Variants in CWC27 observed in about 807,000 individuals in gnomAD.
The protein encoded by CWC27 is CWC27 spliceosome associated cyclophilin, also known as spliceosome-associated protein CWC27 homolog.
In CWC27, 47 loss-of-function variants were observed where a neutral mutation model predicts 63.6. The observed-to-expected ratio is 0.74, with a 90% CI of 0.58 to 0.94. The LOEUF is 0.94. Among genes scored for constraint, CWC27 ranks in the 40% least tolerant of loss-of-function variants. The pLI is 0.00. For synonymous variants in CWC27, 175 were observed against 179.8 expected, an observed-to-expected ratio of 0.97 and a Z score of 0.22; for missense variants, 495 against 554.3, an observed-to-expected ratio of 0.89 and a Z score of 1.07.
intron 13 of CWC27, among the ~76,000 whole-genome samples, chr5:65,012,142 C>G (rs1749971986): frequency 1.3e-5 from 2 of 152,186 alleles, no homozygotes; most frequent in Admixed American, 6.5e-5. Context: ...AAGCACTACT[C>G]TATCTGATTT....
At chr5:64,979,611 G>C (rs1293181285) in intron 13 of CWC27, among the ~76,000 whole-genome samples, 1 of 152,194 alleles carries the variant, frequency 6.6e-6, no homozygotes, top group Non-Finnish European at 1.5e-5. Context: ...AATATTATGA[G>C]TGCATGGCAT....
rs1484742772 is a variant in CWC27 at position 64,905,210 on chromosome 5, A to AAAAAAACAAAAC, written c.1042+19670_1042+19671insCAAAACAAAAAA. ...AGCCACACTACATCTCAAAAAAAAA[A>AAAAAAACAAAAC]AAAAAAAAAAAAAACACCTAATGAA... is the stretch of plus-strand genomic sequence containing the variant. On this transcript the variant is annotated intron_variant, in intron 11 of 13. Coordinates refer to ENST00000381070, the MANE Select transcript of CWC27 (RefSeq NM_005869.4). Among the ~76,000 whole-genome samples, 154 of 151,274 alleles carry AAAAAAACAAAAC rather than the reference A, an allele frequency of 1.0e-3. 2 individuals carry two copies. The highest frequency in any genetic ancestry group is 3.5e-3 in the African/African-American group (142 of 41,142).
At chr5:64,820,605 G>C (rs1267668278) in intron 10 of CWC27, among the ~76,000 whole-genome samples, 2 of 151,258 alleles carry the variant, frequency 1.3e-5, no homozygotes, top group Admixed American at 1.3e-4. Flanking sequence ...ACAGAATACA[G>C]AGTCCACAAG....
intron 10 of CWC27, among the ~76,000 whole-genome samples, chr5:64,818,354 T>C (rs886833535): frequency 2.6e-5 from 4 of 152,222 alleles, no homozygotes; most frequent in African/African-American, 9.6e-5. Flanking sequence ...GAAAGTTATA[T>C]AATGACTTCC....
intron 10 of CWC27, among the ~76,000 whole-genome samples, chr5:64,860,218 G>C (rs1004892376): frequency 6.6e-6 from 1 of 151,920 alleles, no homozygotes; most frequent in African/African-American, 2.4e-5. Flanking sequence ...TTATTTATTT[G>C]CTGATATTTA....
chr5:64,796,855 CCCTT>C (rs1450303847), intron 7 of CWC27, among the ~76,000 whole-genome samples: 1 of 134,206 alleles, frequency 7.5e-6, no homozygotes, highest in African/African-American at 2.8e-5. Flanking sequence ...CTCCCTCCCT[CCCTT>C]CTTTCCTCCT....
chr5:64,804,472 T>A, intron 10 of CWC27, 86 bp downstream of exon 10: 1 of 1,282,860 alleles, frequency 7.8e-7, no homozygotes, highest in Non-Finnish European at 1.0e-6. Context: ...TTCAGCTAAT[T>A]TTTAAAATAC....
Position 65,018,349 on chromosome 5 carries a change from C to A in CWC27, c.*28C>A. 1 of 1,562,366 alleles carries A rather than the reference C, an allele frequency of 6.4e-7. No homozygotes were observed. The highest frequency in any genetic ancestry group is 1.9e-5 in the Admixed American group (1 of 51,798). On this transcript the variant is annotated 3_prime_UTR_variant, in exon 14 of 14. Transcript: ENST00000381070. ...TGAGAATAATGATAACCAGAACTTG[C>A]TGGAAATGTGCCTACAATGGCCTTG...
At chr5:64,918,133 C>A (rs569615324) in intron 11 of CWC27, among the ~76,000 whole-genome samples, 11 of 152,108 alleles carry the variant, frequency 7.2e-5, no homozygotes, top group African/African-American at 1.9e-4. Flanking sequence ...AATATAGACA[C>A]CCCCCAAAAA....
intron 11 of CWC27, among the ~76,000 whole-genome samples, chr5:64,887,895 A>G (rs926406792): frequency 3.9e-5 from 6 of 152,226 alleles, no homozygotes; most frequent in Non-Finnish European, 8.8e-5. Context: ...CATAATGTAC[A>G]TCATAGATGG....
At chr5:64,921,560 G>A (rs1444457565) in intron 11 of CWC27, among the ~76,000 whole-genome samples, 1 of 152,108 alleles carries the variant, frequency 6.6e-6, no homozygotes, top group Non-Finnish European at 1.5e-5. Flanking sequence ...AATCCTACTT[G>A]AGATAGGTCT....
chr5:64,779,746 C>T (rs1310494256), intron 2 of CWC27, among the ~76,000 whole-genome samples: 1 of 152,182 alleles, frequency 6.6e-6, no homozygotes, highest in Non-Finnish European at 1.5e-5. Flanking sequence ...TTGTAAACCC[C>T]ATAATCCCCA....
In CWC27 at chr5:65,018,629, A is replaced by G. The variant is rs1021214968; in HGVS notation, c.*308A>G. 2 of 170,430 alleles carry G rather than the reference A, an allele frequency of 1.2e-5. No homozygotes were observed. Among genetic ancestry groups the G allele is most frequent in the African/African-American group, 4.7e-5 (2 of 42,256 alleles). The allele number at this position is 170,430 out of a possible 1,614,324, so 10.6% of individuals were successfully genotyped here. On this transcript the variant is annotated 3_prime_UTR_variant, in exon 14 of 14. Coordinates refer to ENST00000381070, the MANE Select transcript of CWC27 (RefSeq NM_005869.4). Reference sequence around the variant, plus strand: ...AAGCCTGTTTGTGTCCTTTTACCCTAAAATATATGAAGGCTTCCTTTTCAA... The same window carrying G: ...AAGCCTGTTTGTGTCCTTTTACCCTGAAATATATGAAGGCTTCCTTTTCAA...
chr5:64,997,512 T>C (rs985622216), intron 13 of CWC27, among the ~76,000 whole-genome samples: 1 of 152,198 alleles, frequency 6.6e-6, no homozygotes, highest in Non-Finnish European at 1.5e-5. Context: ...CAAGATCAGA[T>C]GATTACAATA....
intron 10 of CWC27, among the ~76,000 whole-genome samples, chr5:64,838,720 A>C (rs1335205392): frequency 2.6e-5 from 4 of 152,190 alleles, no homozygotes; most frequent in African/African-American, 9.6e-5. Context: ...ATAGGTATTA[A>C]AGCTGAAATT....
chr5:64,965,959 T>C (rs1241298933), intron 11 of CWC27, among the ~76,000 whole-genome samples: 3 of 152,348 alleles, frequency 2.0e-5, no homozygotes, highest in East Asian at 3.9e-4. Context: ...ACTACGTGCC[T>C]GTGTTTTCAT....
At chr5:64,949,685 T>C (rs1748668316) in intron 11 of CWC27, among the ~76,000 whole-genome samples, 1 of 152,062 alleles carries the variant, frequency 6.6e-6, no homozygotes, top group South Asian at 2.1e-4. Flanking sequence ...CCATGTTCCA[T>C]GAAGACTAGA....
intron 11 of CWC27, among the ~76,000 whole-genome samples, chr5:64,951,826 T>C (rs945483097): frequency 6.6e-6 from 1 of 152,008 alleles, no homozygotes; most frequent in African/African-American, 2.4e-5. Context: ...AATACTTTGT[T>C]CCTTTTTATG....
At chr5:64,801,256 A>T in intron 8 of CWC27, 46 bp from the exon 9 acceptor site, 1 of 1,374,198 alleles carries the variant, frequency 7.3e-7, no homozygotes. Flanking sequence ...TAATTGTGTT[A>T]GTTTTACCTT....
Sources: allele counts gnomAD v4.1 joint callset (sites outside exome capture counted in the v4.1 genomes callset), GRCh38; gene constraint gnomAD v4.1.1; transcripts MANE v1.5; gene names NCBI Gene and HGNC (gene_info 2026-07-23, HGNC 2026-07-21).